Variants in FIRRM observed in about 807,000 individuals in gnomAD.
FIRRM encodes the protein FIGNL1 interacting regulator of recombination and mitosis.
At chr1:169,793,611 A>C in the FIRRM span, 1 of 1,614,146 alleles carries the variant, frequency 6.2e-7, no homozygotes, top group Non-Finnish European at 8.5e-7. Flanking sequence ...TCTTTTGAGG[A>C]ATCCAGGGTC....
the FIRRM span, among the ~76,000 whole-genome samples, chr1:169,821,009 C>G: frequency 6.6e-6 from 1 of 152,106 alleles, no homozygotes; most frequent in Non-Finnish European, 1.5e-5. Context: ...ACTGTATTTC[C>G]AGAAATTGAA....
chr1:169,822,536 G>T, the FIRRM span, among the ~76,000 whole-genome samples: 7 of 152,166 alleles, frequency 4.6e-5, no homozygotes, highest in African/African-American at 1.7e-4. Flanking sequence ...GTCTCGCTCT[G>T]TTGCCCAGGC....
At chr1:169,814,459 AAAAGTGTTGCAAGG>A in the FIRRM span, among the ~76,000 whole-genome samples, 1 of 152,206 alleles carries the variant, frequency 6.6e-6, no homozygotes, top group Non-Finnish European at 1.5e-5. Flanking sequence ...TGTTACTGTG[AAAAGTGTTGCAAGG>A]CCATGTGATA....
the FIRRM span, chr1:169,852,148 A>C: frequency 3.2e-6 from 2 of 631,794 alleles, no homozygotes; most frequent in Admixed American, 2.9e-5. Context: ...GTATGTTTGA[A>C]TTATTGGTAG....
the FIRRM span, among the ~76,000 whole-genome samples, chr1:169,815,453 A>G: frequency 6.6e-6 from 1 of 152,114 alleles, no homozygotes; most frequent in Admixed American, 6.5e-5. Flanking sequence ...AATTCCCAGA[A>G]CTAAGGGTTT....
the FIRRM span, among the ~76,000 whole-genome samples, chr1:169,845,804 C>A: frequency 1.3e-5 from 2 of 152,180 alleles, no homozygotes. Flanking sequence ...CTTGAACCCC[C>A]CAAAGTCATC....
chr1:169,801,173 T>C, the FIRRM span, among the ~76,000 whole-genome samples: 3 of 152,150 alleles, frequency 2.0e-5, no homozygotes, highest in Admixed American at 6.6e-5. Flanking sequence ...CTGGGCACGG[T>C]GGCTCATGCC....
At chr1:169,812,672 C>G in the FIRRM span, among the ~76,000 whole-genome samples, 2 of 152,152 alleles carry the variant, frequency 1.3e-5, no homozygotes, top group Admixed American at 1.3e-4. Flanking sequence ...GGCTGGCCAA[C>G]ATGGTGAAAC....
chr1:169,806,591 G>A, the FIRRM span, among the ~76,000 whole-genome samples: 2 of 152,314 alleles, frequency 1.3e-5, no homozygotes, highest in East Asian at 1.9e-4. Flanking sequence ...GGTGAGAGGA[G>A]ATGTGGTTGA....
the FIRRM span, among the ~76,000 whole-genome samples, chr1:169,822,385 A>G: frequency 3.3e-5 from 5 of 152,238 alleles, no homozygotes; most frequent in Non-Finnish European, 5.9e-5. Flanking sequence ...CAAATTGAAC[A>G]TGGACAATAG....
At chr1:169,843,746 C>G in the FIRRM span, 2 of 1,607,130 alleles carry the variant, frequency 1.2e-6, no homozygotes, top group Non-Finnish European at 1.7e-6. Context: ...CATTCAAACT[C>G]TAGATCCTAA....
the FIRRM span, among the ~76,000 whole-genome samples, chr1:169,845,681 ACTC>A: frequency 1.3e-5 from 1 of 74,456 alleles, no homozygotes; most frequent in Non-Finnish European, 2.7e-5. Flanking sequence ...ATGAGAAGCA[ACTC>A]CTCTTCAAGT....
the FIRRM span, among the ~76,000 whole-genome samples, chr1:169,797,241 T>A: frequency 6.6e-6 from 1 of 152,202 alleles, no homozygotes; most frequent in Non-Finnish European, 1.5e-5. Flanking sequence ...GTATTTTAGC[T>A]TCACTATTTT....
chr1:169,821,651 T>C, the FIRRM span: 9 of 1,470,684 alleles, frequency 6.1e-6, no homozygotes, highest in African/African-American at 1.3e-4. Context: ...TTATTTATTA[T>C]GCTTTCTTAT....
the FIRRM span, among the ~76,000 whole-genome samples, chr1:169,802,455 T>C: frequency 2.6e-5 from 4 of 152,322 alleles, no homozygotes; most frequent in Admixed American, 1.3e-4. Flanking sequence ...ATACCTTTTC[T>C]CTGTATTTTG....
the FIRRM span, among the ~76,000 whole-genome samples, chr1:169,823,660 T>C: frequency 1.3e-5 from 2 of 152,298 alleles, no homozygotes; most frequent in South Asian, 4.1e-4. Context: ...GTTATGCTTA[T>C]CTTTGTATTT....
the FIRRM span, among the ~76,000 whole-genome samples, chr1:169,810,173 C>A: frequency 3.0e-3 from 459 of 152,254 alleles, 3 homozygotes; most frequent in African/African-American, 9.9e-3. Context: ...CCCCAAAGGC[C>A]CCACCTCTTA....
the FIRRM span, among the ~76,000 whole-genome samples, chr1:169,811,997 T>C: frequency 6.6e-6 from 1 of 152,196 alleles, no homozygotes; most frequent in Admixed American, 6.5e-5. Context: ...CTTCCTTGCT[T>C]ATATTACCCA....
At chr1:169,849,341 T>G in the FIRRM span, among the ~76,000 whole-genome samples, 4 of 152,334 alleles carry the variant, frequency 2.6e-5, no homozygotes, top group Admixed American at 2.6e-4. Context: ...CTGGAAGGAT[T>G]TGAGTAAAAG....
Sources: allele counts gnomAD v4.1 joint callset (sites outside exome capture counted in the v4.1 genomes callset), GRCh38; gene constraint gnomAD v4.1.1; transcripts MANE v1.5; gene names NCBI Gene and HGNC (gene_info 2026-07-23, HGNC 2026-07-21).